The following TDO2 variants were observed in gnomAD, a reference collection of about 807,000 sequenced individuals.
TDO2 encodes the protein tryptophan 2,3-dioxygenase, also known as tryptamin 2,3-dioxygenase.
A neutral mutation model predicts 61.2 loss-of-function variants in TDO2; 63 were observed. That is an observed-to-expected ratio of 1.03 (90% CI 0.84 to 1.27). The LOEUF is 1.27. Ranked by LOEUF, TDO2 falls within the 50% of genes most tolerant of loss-of-function variation. The pLI, the probability that TDO2 is intolerant of heterozygous loss-of-function variation, is 0.00. For missense variants in TDO2, 494 were observed against 469.5 expected (o/e 1.05, Z -0.48); for synonymous variants, 183 against 164.0 (o/e 1.12, Z -0.89).
rs750823258 is a variant in TDO2, at chr4:155,904,018, A to G, written c.36A>G (p.Gly12=). 7 of 1,613,106 alleles carry G rather than the reference A, an allele frequency of 4.3e-6. No homozygotes were observed. The highest frequency in any genetic ancestry group is 1.3e-5 in the African/African-American group (1 of 75,016). The change falls in exon 2 of 12, where the codon GGA becomes GGG. Residue 12 remains glycine (G), a splice_region_variant and synonymous_variant. Coordinates refer to ENST00000536354, the MANE Select transcript of TDO2 (RefSeq NM_005651.4). ...SGCPFLGNNF[G]YTFKKLPVEG... is the part of the protein sequence containing the mutation. The stretch of plus-strand genomic sequence containing the variant: ...CCCTCTTGATTTATTAAATTTGCAG[A>G]TATACTTTTAAAAAACTCCCCGTAG...
At chr4:155,919,509 A>G (rs1412730884) in intron 11 of TDO2, among the ~76,000 whole-genome samples, 1 of 152,186 alleles carries the variant, frequency 6.6e-6, no homozygotes, top group African/African-American at 2.4e-5. Context: ...TACCTTGCAT[A>G]GCATCCTTCA....
Position 155,920,178 on chromosome 4 carries a change from A to G in TDO2, c.*188A>G. ...AAGACTAAGCATTAAGATGAGAAAGAATACATTTAAATAGTAACATTGTAC... is the reference window on the plus strand; with the variant it reads ...AAGACTAAGCATTAAGATGAGAAAGGATACATTTAAATAGTAACATTGTAC... On this transcript the variant is annotated 3_prime_UTR_variant, in exon 12 of 12. Transcript: ENST00000536354. The G allele has an allele frequency of 7.0e-6, 4 of 574,762 alleles. No individual in the cohort carries two copies. Among genetic ancestry groups the G allele is most frequent in the Non-Finnish European group, 1.2e-5 (4 of 334,672 alleles). The allele number at this position is 574,762 out of a possible 1,614,324, so 35.6% of individuals were successfully genotyped here. A position where few individuals can be genotyped will look rare whatever the true frequency, so the allele number is the denominator to read the frequency against.
intron 6 of TDO2, among the ~76,000 whole-genome samples, chr4:155,911,037 T>A (rs1025239221): frequency 6.6e-6 from 1 of 152,084 alleles, no homozygotes; most frequent in African/African-American, 2.4e-5. Flanking sequence ...AATTTCAAAG[T>A]TGCTAAGTAT....
chr4:155,904,694 TAAAG>T (rs1344025165), intron 2 of TDO2, among the ~76,000 whole-genome samples: 1 of 152,154 alleles, frequency 6.6e-6, no homozygotes, highest in Non-Finnish European at 1.5e-5. Context: ...GATTAACTGA[TAAAG>T]AATGTTAAAA....
intron 11 of TDO2, among the ~76,000 whole-genome samples, chr4:155,919,098 T>G (rs901626656): frequency 6.6e-6 from 1 of 152,162 alleles, no homozygotes; most frequent in Non-Finnish European, 1.5e-5. Flanking sequence ...GTGGTGGGAA[T>G]AATGAACACA....
At position 155,907,735 on chromosome 4, in the gene TDO2, G is replaced by A. The variant is rs772692064; in HGVS notation, c.246G>A (p.Trp82Ter). ...FIITHQAYEL[W>*]FKQILWELDS... Reference sequence around the variant, plus strand: ...TCCTTATTACAGCTTATGAACTCTGGTTTAAGCAAATCCTCTGGGAGTTGG... The same window carrying A: ...TCCTTATTACAGCTTATGAACTCTGATTTAAGCAAATCCTCTGGGAGTTGG... Residue 82 changes from tryptophan (W) to a stop codon, truncating the protein, a stop_gained, in exon 4 of 12, where the codon TGG becomes TGA. Transcript: ENST00000536354. LOFTEE classifies it high-confidence loss of function. 2.8e-5 allele frequency: 45 copies of A among 1,612,904 alleles called. No homozygotes were observed. The highest frequency in any genetic ancestry group is 3.7e-5 in the Non-Finnish European group (44 of 1,179,536).
chr4:155,908,435 A>G (rs1236967454), intron 4 of TDO2, among the ~76,000 whole-genome samples: 2 of 52,848 alleles, frequency 3.8e-5, no homozygotes, highest in South Asian at 5.6e-4. Flanking sequence ...GACAGAGCAC[A>G]TGGGACCCAT....
chr4:155,913,086 G>A (rs990429100), intron 7 of TDO2, among the ~76,000 whole-genome samples: 8 of 151,984 alleles, frequency 5.3e-5, no homozygotes, highest in Non-Finnish European at 2.9e-5. Context: ...ACCCTCCATC[G>A]TTTTTCACCT....
Position 155,918,133 on chromosome 4 carries a change from T to G in TDO2, c.977-16T>G. ...GTGGAAAAATATCCATGGAGTAAAT[T>G]TGTATGTTTGCCTAGATAACCATGT... On this transcript the variant is annotated splice_polypyrimidine_tract_variant and intron_variant, in intron 10 of 11. Transcript: ENST00000536354. The G allele has an allele frequency of 1.2e-6, 2 of 1,611,226 alleles. No individual in the cohort carries two copies. The highest frequency in any genetic ancestry group is 1.7e-6 in the Non-Finnish European group (2 of 1,178,666).
intron 9 of TDO2, among the ~76,000 whole-genome samples, chr4:155,916,787 T>C (rs1742947125): frequency 6.6e-6 from 1 of 152,158 alleles, no homozygotes; most frequent in Non-Finnish European, 1.5e-5. Flanking sequence ...TTACAGGCCG[T>C]CATGCTTCTG....
At chr4:155,915,148 A>G (rs1742907953) in intron 8 of TDO2, among the ~76,000 whole-genome samples, 1 of 152,200 alleles carries the variant, frequency 6.6e-6, no homozygotes, top group African/African-American at 2.4e-5. Context: ...TAAAATCAGT[A>G]CTTTCATTTC....
chr4:155,912,463 G>A (rs141928501), intron 7 of TDO2, among the ~76,000 whole-genome samples: 8 of 152,144 alleles, frequency 5.3e-5, no homozygotes, highest in African/African-American at 1.4e-4. Flanking sequence ...TAACTTAGTT[G>A]ACCTCGCAGA....
intron 7 of TDO2, 104 bp from the exon 8 acceptor site, chr4:155,914,219 C>A: frequency 1.4e-6 from 1 of 739,492 alleles, no homozygotes; most frequent in Non-Finnish European, 2.2e-6. Flanking sequence ...ATTAAAAGTA[C>A]ATCATTTCTG....
At position 155,905,929 on chromosome 4, in the gene TDO2, T is replaced by TA. The variant is rs1742710424; in HGVS notation, c.232+778dup. On this transcript the variant is annotated intron_variant, in intron 3 of 11. Transcript: ENST00000536354. ...AAACTCTGGTAAAGAAATTAAAAGT[T>TA]AAAAAACTGGCTTAATGTGTCAGTT... The TA allele has an allele frequency of 2.0e-5, 3 of 152,166 alleles. No individual in the cohort carries two copies. The South Asian group carries it at 6.2e-4, about 31-fold the overall frequency. The allele number at this position is 152,166 out of a possible 1,614,324, so 9.4% of individuals were successfully genotyped here.
intron 10 of TDO2, among the ~76,000 whole-genome samples, chr4:155,917,823 G>GT (rs901289919): frequency 2.6e-5 from 4 of 152,124 alleles, no homozygotes; most frequent in African/African-American, 7.2e-5. Context: ...AATTTTAATA[G>GT]TTTTTTTATT....
Position 155,905,128 on chromosome 4 carries a change from A to G in TDO2, c.203A>G (p.Asp68Gly). ...GAAACAAAAGGAAATAAAATCCATG[A>G]TGAACATCTTTTTATCATAACTCAT... ...QSETKGNKIHDEHLFIITHQA... is the reference protein window; with the variant it reads ...QSETKGNKIHGEHLFIITHQA... The change falls in exon 3 of 12, where the codon GAT (aspartate) becomes GGT (glycine). Residue 68 changes from aspartate (D) to glycine (G), a missense_variant. By Grantham distance (94) the Asp-to-Gly change is moderately conservative. Transcript: ENST00000536354. 9 of 1,601,374 alleles carry G rather than the reference A, an allele frequency of 5.6e-6. No individual in the cohort carries two copies. The highest frequency in any genetic ancestry group is 7.7e-6 in the Non-Finnish European group (9 of 1,174,324).
chr4:155,909,061 C>T (rs933733366), intron 5 of TDO2, 47 bp downstream of exon 5: 3 of 1,535,256 alleles, frequency 2.0e-6, no homozygotes, highest in Admixed American at 2.0e-5. Flanking sequence ...TTTACTTTCT[C>T]ATTTTGGTGG....
intron 3 of TDO2, chr4:155,906,815 A>T (rs1027513055): frequency 6.6e-6 from 1 of 152,144 alleles, no homozygotes. Context: ...TAGGTTTCCA[A>T]TTGTAGGTGG....
chr4:155,911,985 C>A (rs927602683), intron 7 of TDO2, among the ~76,000 whole-genome samples: 3 of 152,270 alleles, frequency 2.0e-5, no homozygotes, highest in African/African-American at 7.2e-5. Context: ...TGCTTTCTGG[C>A]AGCTCTCAGA....
Sources: gnomAD v4.1 joint callset for allele counts (sites outside exome capture counted in the v4.1 genomes callset) on GRCh38, gnomAD v4.1.1 for gene constraint, MANE v1.5 for transcripts, NCBI Gene and HGNC (gene_info 2026-07-23, HGNC 2026-07-21) for gene names.